The following ATOSA variants were observed in gnomAD, a reference collection of about 807,000 sequenced individuals.
ATOSA encodes the protein atos homolog protein A.
the ATOSA span, chr15:52,593,631 C>A: frequency 6.4e-7 from 1 of 1,569,704 alleles, no homozygotes; most frequent in Non-Finnish European, 8.6e-7. Flanking sequence ...GACACTTCAA[C>A]TGGAAGAGTC....
the ATOSA span, chr15:52,593,615 T>C: frequency 1.9e-6 from 3 of 1,573,550 alleles, no homozygotes; most frequent in Non-Finnish European, 1.7e-6. Flanking sequence ...TGAAACACTG[T>C]AGAATGACAC....
the ATOSA span, chr15:52,600,072 C>A: frequency 1.2e-6 from 1 of 865,378 alleles, no homozygotes; most frequent in Non-Finnish European, 1.9e-6. Context: ...AAAATGACAC[C>A]CTAGAACCTA....
the ATOSA span, among the ~76,000 whole-genome samples, chr15:52,695,450 T>C: frequency 6.6e-6 from 1 of 152,234 alleles, no homozygotes; most frequent in Admixed American, 6.5e-5. Context: ...TTCTCTTTCT[T>C]CCTTGAGAGC....
At chr15:52,608,392 G>A in the ATOSA span, among the ~76,000 whole-genome samples, 4 of 152,176 alleles carry the variant, frequency 2.6e-5, no homozygotes, top group East Asian at 7.7e-4. Context: ...TTGTTCTTAG[G>A]AGAGTGGGTT....
the ATOSA span, among the ~76,000 whole-genome samples, chr15:52,663,415 A>G: frequency 2.0e-5 from 3 of 152,170 alleles, no homozygotes; most frequent in Non-Finnish European, 4.4e-5. Flanking sequence ...TATATTTTCT[A>G]TAAGGCAGAG....
chr15:52,673,706 T>C, the ATOSA span, among the ~76,000 whole-genome samples: 1 of 152,374 alleles, frequency 6.6e-6, no homozygotes, highest in African/African-American at 2.4e-5. Context: ...TTTCTTTTGT[T>C]TGATTTACAT....
chr15:52,691,637 C>T, the ATOSA span, among the ~76,000 whole-genome samples: 2 of 151,984 alleles, frequency 1.3e-5, no homozygotes, highest in Non-Finnish European at 2.9e-5. Context: ...GGTTTCAAGA[C>T]CAGCCTGGAC....
the ATOSA span, chr15:52,585,429 A>T: frequency 6.5e-6 from 1 of 153,392 alleles, no homozygotes. Flanking sequence ...TAAAATTAGC[A>T]TGTTTGATGT....
chr15:52,593,835 G>T, the ATOSA span: 1 of 1,157,286 alleles, frequency 8.6e-7, no homozygotes. Flanking sequence ...AGGCAGAGAA[G>T]TGATTAAAAG....
chr15:52,694,157 G>GAT, the ATOSA span, among the ~76,000 whole-genome samples: 5 of 115,450 alleles, frequency 4.3e-5, no homozygotes, highest in East Asian at 2.1e-4. Context: ...TGTATATATA[G>GAT]ATATATATAT....
At chr15:52,582,126 A>G in the ATOSA span, 1 of 1,533,604 alleles carries the variant, frequency 6.5e-7, no homozygotes, top group Non-Finnish European at 8.7e-7. Flanking sequence ...TTGGGTACTG[A>G]GTAAATACTT....
At chr15:52,672,171 T>TAAAAAAAAAAAAAAAAAA in the ATOSA span, among the ~76,000 whole-genome samples, 1 of 8,082 alleles carries the variant, frequency 1.2e-4, no homozygotes, top group African/African-American at 3.2e-4. Context: ...ACCCCATTTC[T>TAAAAAAAAAAAAAAAAAA]CAAAAAAAAA....
chr15:52,676,434 T>C, the ATOSA span, among the ~76,000 whole-genome samples: 2 of 152,072 alleles, frequency 1.3e-5, no homozygotes, highest in Non-Finnish European at 2.9e-5. Flanking sequence ...ACAGTAAGGG[T>C]AAGTACGTTT....
At chr15:52,609,937 A>C in the ATOSA span, 1 of 1,611,310 alleles carries the variant, frequency 6.2e-7, no homozygotes, top group Admixed American at 1.7e-5. Flanking sequence ...TTGTGATTTT[A>C]TATCACCTAT....
the ATOSA span, among the ~76,000 whole-genome samples, chr15:52,707,331 T>C: frequency 7.2e-5 from 11 of 152,068 alleles, no homozygotes; most frequent in Admixed American, 2.0e-4. Flanking sequence ...AATAGATAAT[T>C]AAAATTAACA....
At chr15:52,701,911 G>A in the ATOSA span, among the ~76,000 whole-genome samples, 1 of 151,946 alleles carries the variant, frequency 6.6e-6, no homozygotes, top group African/African-American at 2.4e-5. Flanking sequence ...AGTAGTCTGG[G>A]CAACATAGCA....
At chr15:52,584,157 T>C in the ATOSA span, among the ~76,000 whole-genome samples, 2 of 150,550 alleles carry the variant, frequency 1.3e-5, no homozygotes, top group African/African-American at 2.4e-5. Context: ...TTTTTTTTTT[T>C]TTTTGAGATG....
chr15:52,647,787 TATGA>T, the ATOSA span, among the ~76,000 whole-genome samples: 6 of 152,192 alleles, frequency 3.9e-5, no homozygotes, highest in African/African-American at 1.4e-4. Flanking sequence ...AATCAAACTG[TATGA>T]ATATGTTATC....
chr15:52,648,767 C>T, the ATOSA span: 5 of 152,180 alleles, frequency 3.3e-5, no homozygotes, highest in East Asian at 9.6e-4. Context: ...AAATCTGAGG[C>T]CCATCCATGT....
Sources: gnomAD v4.1 joint callset for allele counts (sites outside exome capture counted in the v4.1 genomes callset) on GRCh38, gnomAD v4.1.1 for gene constraint, MANE v1.5 for transcripts, NCBI Gene and HGNC (gene_info 2026-07-23, HGNC 2026-07-21) for gene names.